The following PHIP variants were observed in gnomAD, a reference collection of about 807,000 sequenced individuals.
PHIP encodes PHIP subunit of CUL4-Ring ligase complex.
A neutral mutation model predicts 236.8 loss-of-function variants in PHIP; 54 were observed. That is an observed-to-expected ratio of 0.23 (90% confidence interval 0.18 to 0.29). The LOEUF is 0.29. Among genes scored for constraint, PHIP ranks in the 10% least tolerant of loss-of-function variants. The pLI is 1.00. For synonymous variants in PHIP, 756 were observed against 718.9 expected (o/e 1.05, Z -0.83); for missense variants, 1,370 against 2,190.8 (o/e 0.63, Z 7.48).
At chr6:79,071,650 A>G (rs997399708) in intron 4 of PHIP, among the ~76,000 whole-genome samples, 3 of 152,186 alleles carry the variant, frequency 2.0e-5, no homozygotes, top group African/African-American at 7.2e-5. Flanking sequence ...TATGTTTGGT[A>G]TTCTCTGGCA....
At chr6:79,026,296 T>C (rs1331957127) in intron 7 of PHIP, 132 bp from the exon 8 acceptor site, 4 of 681,304 alleles carry the variant, frequency 5.9e-6, no homozygotes, top group East Asian at 2.7e-5. Context: ...TGTTAAATAC[T>C]TGTGTTAGCT....
At position 78,970,122 on chromosome 6, in the gene PHIP, T is replaced by C; in HGVS notation, c.3049A>G (p.Thr1017Ala). 1 of 1,612,196 alleles carries C rather than the reference T, an allele frequency of 6.2e-7. No individual in the cohort carries two copies. Reference sequence around the variant, plus strand: ...AAAGCAAGTTTAAGGCAGCAAAGGGTAGGTAATCCCACTTCATACTTTATG... The same window carrying C: ...AAAGCAAGTTTAAGGCAGCAAAGGGCAGGTAATCCCACTTCATACTTTATG... ...VGIKYEVGLP[T>A]LCCLKLAFLD... The change falls in exon 26 of 40, where the codon ACC (threonine) becomes GCC (alanine). Residue 1017 changes from threonine to alanine, a missense_variant. By Grantham distance (58) the Thr-to-Ala change is moderately conservative. Coordinates refer to ENST00000275034, the MANE Select transcript of PHIP (RefSeq NM_017934.7).
chr6:78,995,157 C>G (rs1769527292), intron 19 of PHIP, among the ~76,000 whole-genome samples: 1 of 152,200 alleles, frequency 6.6e-6, no homozygotes, highest in African/African-American at 2.4e-5. Flanking sequence ...TTTCTCCACT[C>G]AGCATAATTC....
chr6:79,061,855 G>A (rs780350130), intron 4 of PHIP, among the ~76,000 whole-genome samples: 8 of 152,044 alleles, frequency 5.3e-5, no homozygotes, highest in Non-Finnish European at 1.2e-4. Flanking sequence ...GGGAGGTGAG[G>A]ATTTAAATCA....
chr6:78,943,983 CTT>C (rs201550604), intron 39 of PHIP, among the ~76,000 whole-genome samples: 39,778 of 94,328 alleles, frequency 0.42, 10,232 homozygotes, highest in East Asian at 0.68. Context: ...AAGATCCTGT[CTT>C]TTTTTAAAAA....
chr6:78,970,953 CAGCTGAAATTGCAAAGA>C, intron 24 of PHIP, 65 bp from the exon 25 acceptor site: 2 of 1,061,442 alleles, frequency 1.9e-6, no homozygotes, highest in Non-Finnish European at 2.8e-6. Context: ...TACAGGGTAT[CAGCTGAAATTGCAAAGA>C]GAAAATCTAA....
rs565603512 is a variant in PHIP, at chr6:79,046,876, A to AAAC, written c.440-3876_440-3874dup. 5.9e-4 allele frequency among the ~76,000 whole-genome samples: 89 copies of AAAC among 151,794 alleles called. 1 individual carries two copies. In the South Asian group the frequency reaches 7.7e-3, roughly 13 times the overall value. Reference sequence around the variant, plus strand: ...GGGGAACAAAGCAAGACTCCATCTCAAACAACAACAAATTAGGTTTAAGAA... The same window carrying AAAC: ...GGGGAACAAAGCAAGACTCCATCTCAAACAACAACAACAAATTAGGTTTAAGAA... On this transcript the variant is annotated intron_variant, in intron 6 of 39. Transcript: ENST00000275034.
intron 35 of PHIP, among the ~76,000 whole-genome samples, chr6:78,948,960 T>C (rs1206427221): frequency 6.6e-6 from 1 of 152,226 alleles, no homozygotes; most frequent in Non-Finnish European, 1.5e-5. Context: ...TCCTTTCCAA[T>C]AGTTATGCCT....
intron 24 of PHIP, among the ~76,000 whole-genome samples, chr6:78,972,875 T>C (rs1035591835): frequency 1.3e-5 from 2 of 152,096 alleles, no homozygotes; most frequent in African/African-American, 4.8e-5. Context: ...AATATAGGAC[T>C]ATGTGAAAAG....
intron 9 of PHIP, among the ~76,000 whole-genome samples, chr6:79,024,548 T>C (rs1246612421): frequency 6.6e-6 from 1 of 152,184 alleles, no homozygotes; most frequent in African/African-American, 2.4e-5. Flanking sequence ...CTCATGCCTG[T>C]AATCCCAACA....
At chr6:79,044,448 C>T (rs575036115) in intron 6 of PHIP, among the ~76,000 whole-genome samples, 2 of 152,274 alleles carry the variant, frequency 1.3e-5, no homozygotes, top group African/African-American at 4.8e-5. Flanking sequence ...TGGTAAAAGA[C>T]ATCCTCCAAT....
intron 6 of PHIP, among the ~76,000 whole-genome samples, chr6:79,048,588 A>T (rs1439964452): frequency 6.6e-6 from 1 of 152,198 alleles, no homozygotes; most frequent in Non-Finnish European, 1.5e-5. Flanking sequence ...ATTACCCAAG[A>T]TCAAAATTAA....
intron 27 of PHIP, among the ~76,000 whole-genome samples, chr6:78,967,539 G>A (rs1443565413): frequency 6.6e-6 from 1 of 152,220 alleles, no homozygotes; most frequent in Non-Finnish European, 1.5e-5. Flanking sequence ...TTTCCGAGGA[G>A]GGGCTGAAGT....
At chr6:78,989,618 T>C (rs1769086904) in intron 20 of PHIP, among the ~76,000 whole-genome samples, 1 of 152,238 alleles carries the variant, frequency 6.6e-6, no homozygotes, top group South Asian at 2.1e-4. Context: ...ACGCTAAAAA[T>C]ATGTGAGTGT....
chr6:78,941,023 T>G lies in PHIP; in HGVS notation c.5136A>C (p.Gly1712=), dbSNP rs368832425. 353 of 1,613,958 alleles carry G rather than the reference T, an allele frequency of 2.2e-4. No individual in the cohort carries two copies. The highest frequency in any genetic ancestry group is 7.7e-5 in the South Asian group (7 of 91,070). ...TCATCTTCCTTTTGGGCTTCCTACC[T>G]CCACGATTCTTTTTCTGTAACAAAT... ...KEDLLQKKNR[G]GRKPKRKMKT... Residue 1712 remains glycine (G), a synonymous_variant, in exon 40 of 40, where the codon GGA becomes GGC. Coordinates refer to ENST00000275034, the MANE Select transcript of PHIP (RefSeq NM_017934.7).
chr6:78,986,539 G>A (rs1768878922), intron 21 of PHIP, among the ~76,000 whole-genome samples: 1 of 152,136 alleles, frequency 6.6e-6, no homozygotes, highest in South Asian at 2.1e-4. Context: ...TGAGAATTTT[G>A]CCCAAGGCGG....
At chr6:78,989,720 G>C (rs1418228679) in intron 20 of PHIP, among the ~76,000 whole-genome samples, 1 of 151,968 alleles carries the variant, frequency 6.6e-6, no homozygotes, top group Non-Finnish European at 1.5e-5. Flanking sequence ...TAAGAGATAA[G>C]CACATCTTTT....
rs1477264373 is a variant in PHIP, at chr6:79,039,201, C to A, written c.600+3642G>T. ...CTCTCCATTGCCTTCAGAAAAGAAA[C>A]CCACTATTTAGCAGGTCACAAAAGT... On this transcript the variant is annotated intron_variant, in intron 7 of 39. Coordinates refer to ENST00000275034, the MANE Select transcript of PHIP (RefSeq NM_017934.7). Among the ~76,000 whole-genome samples, 3 of 152,152 alleles carry A rather than the reference C, an allele frequency of 2.0e-5. No homozygotes were observed. The East Asian group carries it at 5.8e-4, about 29-fold the overall frequency.
intron 4 of PHIP, among the ~76,000 whole-genome samples, chr6:79,073,384 A>T (rs1773991904): frequency 6.6e-6 from 1 of 152,158 alleles, no homozygotes; most frequent in South Asian, 2.1e-4. Context: ...AGAGACTACC[A>T]CGCAAAGCTT....
Sources: allele counts gnomAD v4.1 joint callset (sites outside exome capture counted in the v4.1 genomes callset), GRCh38; gene constraint gnomAD v4.1.1; transcripts MANE v1.5; gene names NCBI Gene and HGNC (gene_info 2026-07-23, HGNC 2026-07-21).